Variants in TRUB2 observed in about 807,000 individuals in gnomAD.
TRUB2 encodes the protein TruB pseudouridine synthase family member 2, also known as pseudouridylate synthase TRUB2, mitochondrial.
In TRUB2, 31 loss-of-function variants were observed where a neutral mutation model predicts 31.9. That is an observed-to-expected ratio of 0.97 (90% CI 0.73 to 1.31). The LOEUF (loss-of-function observed/expected upper bound fraction) is 1.31, where lower values mean the gene tolerates loss of function less well. Among genes scored for constraint, TRUB2 ranks in the 50% most tolerant of loss-of-function variants. The pLI, the probability that TRUB2 is intolerant of heterozygous loss-of-function variation, is 0.00. For synonymous variants in TRUB2, 201 were observed against 182.6 expected (o/e 1.10, Z -0.81); for missense variants, 451 against 439.6 (o/e 1.03, Z -0.23).
rs922509089 is a variant in TRUB2, at chr9:128,305,600, G to C, written c.*3950C>G. 2 of 152,222 alleles carry C rather than the reference G, an allele frequency of 1.3e-5. No individual in the cohort carries two copies. The highest frequency in any genetic ancestry group is 2.9e-5 in the Non-Finnish European group (2 of 68,088). 9.4% of individuals were successfully genotyped at this position (152,222 alleles called of 1,614,324 possible). On this transcript the variant is annotated 3_prime_UTR_variant, in exon 8 of 8. Transcript: ENST00000372890. ...GACAGGGTTTCACCATATTGGCCAGGCTGGTCTCGAACTCCTGACCTCAAG... is the reference window on the plus strand; with the variant it reads ...GACAGGGTTTCACCATATTGGCCAGCCTGGTCTCGAACTCCTGACCTCAAG...
rs1354120561 is a variant in TRUB2, at chr9:128,308,216, T to G, written c.*1334A>C. The G allele has an allele frequency of 8.2e-6, 1 of 121,828 alleles. No homozygotes were observed. The allele number at this position is 121,828 out of a possible 1,614,324, so 7.5% of individuals were successfully genotyped here. On this transcript the variant is annotated 3_prime_UTR_variant, in exon 8 of 8. Coordinates refer to ENST00000372890, the MANE Select transcript of TRUB2 (RefSeq NM_015679.3). ...CTGCACTCCAACCTGGATGACGGAGTGAGACTCCGTCTCAGAAAAAAAAAA... is the reference window on the plus strand; with the variant it reads ...CTGCACTCCAACCTGGATGACGGAGGGAGACTCCGTCTCAGAAAAAAAAAA...
At position 128,321,676 on chromosome 9, in the gene TRUB2, C is replaced by A. The variant is rs1438316509; in HGVS notation, c.164G>T (p.Gly55Val). The change falls in exon 2 of 8, where the codon GGC becomes GTC. Residue 55 changes from glycine (G) to valine (V), a missense_variant. Transcript: ENST00000372890. ...CTTCTCTTCGCTGCCTTCCATGGGGCCCAGCAAGAAGCGAACACGCTGTTT... is the reference window on the plus strand; with the variant it reads ...CTTCTCTTCGCTGCCTTCCATGGGGACCAGCAAGAAGCGAACACGCTGTTT... ...APKQRVRFLL[G>V]PMEGSEEKEL... The A allele has an allele frequency of 6.2e-7, 1 of 1,613,834 alleles. No individual in the cohort carries two copies. The highest frequency in any genetic ancestry group is 1.1e-5 in the South Asian group (1 of 91,072).
intron 2 of TRUB2, among the ~76,000 whole-genome samples, chr9:128,320,726 A>C (rs1011058543): frequency 6.6e-6 from 1 of 152,040 alleles, no homozygotes; most frequent in Non-Finnish European, 1.5e-5. Flanking sequence ...AGCTTCCCAA[A>C]GTGCTGGGAT....
At chr9:128,311,993 G>A (rs896701534) in intron 5 of TRUB2, among the ~76,000 whole-genome samples, 1 of 150,684 alleles carries the variant, frequency 6.6e-6, no homozygotes, top group Non-Finnish European at 1.5e-5. Context: ...CCACCACCAC[G>A]TCCGGCTAAT....
intron 4 of TRUB2, among the ~76,000 whole-genome samples, chr9:128,315,314 C>G (rs545938505): frequency 1.9e-3 from 284 of 152,332 alleles, no homozygotes; most frequent in African/African-American, 6.5e-3. Flanking sequence ...ACAGATTCCA[C>G]TTTACAGGGA....
At chr9:128,315,918 C>A in intron 3 of TRUB2, 1 of 447,250 alleles carries the variant, frequency 2.2e-6, no homozygotes, top group South Asian at 2.4e-5. Context: ...AGATCCCTGG[C>A]CTAGTCACAC....
In TRUB2 at chr9:128,317,228, T is replaced by A; in HGVS notation, c.242-2A>T. ...GATGGGCGAATGCTGGTCCACATAC[T>A]GGAAAGAAACAAACAAGGTCCATTT... is the stretch of plus-strand genomic sequence containing the variant. On this transcript the variant is annotated splice_acceptor_variant, in intron 2 of 7. Coordinates refer to ENST00000372890, the MANE Select transcript of TRUB2 (RefSeq NM_015679.3). LOFTEE classifies it high-confidence loss of function. 6.3e-7 allele frequency: 1 copy of A among 1,591,246 alleles called. No homozygotes were observed. Among genetic ancestry groups the A allele is most frequent in the Non-Finnish European group, 8.6e-7 (1 of 1,167,078 alleles).
rs1199735475 is a variant in TRUB2, at chr9:128,307,109, T to C, written c.*2441A>G. On this transcript the variant is annotated 3_prime_UTR_variant, in exon 8 of 8. Transcript: ENST00000372890. ...CCGTCTCTACTAAAAATACAAAAGT[T>C]AGCTGGGCGTGGTGGTGAACGCCTA... The C allele has an allele frequency of 6.6e-6, 1 of 152,094 alleles. No individual in the cohort carries two copies. Among genetic ancestry groups the C allele is most frequent in the Non-Finnish European group, 1.5e-5 (1 of 68,032 alleles). 9.4% of individuals were successfully genotyped at this position (152,094 alleles called of 1,614,324 possible). A position where few individuals can be genotyped will look rare whatever the true frequency, so the allele number is the denominator to read the frequency against.
chr9:128,313,236 A>G lies in TRUB2; in HGVS notation c.460+572T>C, dbSNP rs1445571593. Among the ~76,000 whole-genome samples the G allele has an allele frequency of 4.3e-5, 6 of 140,282 alleles. No homozygotes were observed. In the East Asian group the frequency reaches 6.5e-4, roughly 15 times the overall value. The allele number at this position is 140,282 out of a possible 152,430, so 92.0% of individuals were successfully genotyped here. ...CGTTTCAAAAAAAAAAAAAGAAAAG[A>G]AAAGGAAAGGCTGGGCGCGGTGGCT... On this transcript the variant is annotated intron_variant, in intron 5 of 7. Transcript: ENST00000372890.
chr9:128,315,360 T>G (rs898676595), intron 4 of TRUB2, among the ~76,000 whole-genome samples: 1 of 152,152 alleles, frequency 6.6e-6, no homozygotes, highest in South Asian at 2.1e-4. Context: ...CCACGTACAG[T>G]GCTCAGCACA....
intron 6 of TRUB2, 125 bp downstream of exon 6, chr9:128,311,404 G>T: frequency 1.0e-6 from 1 of 982,074 alleles, no homozygotes; most frequent in Non-Finnish European, 1.6e-6. Context: ...AAAGAAACAG[G>T]TAGCTCCCGT....
At chr9:128,317,129 C>G (rs772058699) in intron 3 of TRUB2, 23 bp downstream of exon 3, 79 of 1,557,976 alleles carry the variant, frequency 5.1e-5, no homozygotes, top group Non-Finnish European at 6.5e-5. Context: ...TCACTGTACC[C>G]CCAGGCTTCT....
intron 3 of TRUB2, 72 bp from the exon 4 acceptor site, chr9:128,315,700 C>A (rs1190801511): frequency 3.1e-5 from 47 of 1,518,744 alleles, no homozygotes; most frequent in Non-Finnish European, 4.1e-5. Context: ...CACCCCTACC[C>A]CCACCATCAG....
intron 7 of TRUB2, 143 bp downstream of exon 7, chr9:128,310,744 G>T: frequency 1.7e-6 from 2 of 1,158,704 alleles, no homozygotes; most frequent in Non-Finnish European, 2.4e-6. Context: ...GTCGGCACCT[G>T]ATGCCTTGGC....
In TRUB2 at chr9:128,310,975, C is replaced by A; in HGVS notation, c.582G>T (p.Val194=). 1 of 1,614,238 alleles carries A rather than the reference C, an allele frequency of 6.2e-7. No individual in the cohort carries two copies. Among genetic ancestry groups the A allele is most frequent in the South Asian group, 1.1e-5 (1 of 91,084 alleles). ...TGTTCATGGGCCGGATCAGGCCTCT[C>A]ACGGCCATCTCATAGGCCTCCTGGG... ...LKTQEAYEMA[V]RGLIRPMNKS... is the part of the protein sequence containing the mutation. The change falls in exon 7 of 8, where the codon GTG becomes GTT. Residue 194 remains valine, a synonymous_variant. Coordinates refer to ENST00000372890, the MANE Select transcript of TRUB2 (RefSeq NM_015679.3).
chr9:128,311,690 G>A (rs1831972351), intron 5 of TRUB2, 89 bp from the exon 6 acceptor site: 5 of 1,388,224 alleles, frequency 3.6e-6, no homozygotes, highest in South Asian at 3.6e-5. Flanking sequence ...CCCCATCCCT[G>A]GAACATGGAG....
rs1034684835 is a variant in TRUB2 at position 128,307,327 on chromosome 9, G to A, written c.*2223C>T. ...ATCGTGGTGCACGCCTGTAGTCCCA[G>A]CTATTCTGGAGGGTGAGGTGGGAAG... On this transcript the variant is annotated 3_prime_UTR_variant, in exon 8 of 8. Coordinates refer to ENST00000372890, the MANE Select transcript of TRUB2 (RefSeq NM_015679.3). The A allele has an allele frequency of 9.9e-5, 15 of 152,034 alleles. No individual in the cohort carries two copies. The highest frequency in any genetic ancestry group is 3.6e-4 in the African/African-American group (15 of 41,380). The allele number at this position is 152,034 out of a possible 1,614,324, so 9.4% of individuals were successfully genotyped here.
At chr9:128,321,544 G>T (rs888945095) in intron 2 of TRUB2, 55 bp downstream of exon 2, 3 of 1,608,488 alleles carry the variant, frequency 1.9e-6, no homozygotes, top group Admixed American at 1.7e-5. Context: ...ACACTGACTC[G>T]GCTCAGGGAT....
chr9:128,309,981 G>C, intron 7 of TRUB2, 106 bp from the exon 8 acceptor site: 1 of 1,228,856 alleles, frequency 8.1e-7, no homozygotes, highest in Non-Finnish European at 1.1e-6. Flanking sequence ...AACAACCTTA[G>C]CAAGACCCCT....
Sources: gnomAD v4.1 joint callset for allele counts (sites outside exome capture counted in the v4.1 genomes callset) on GRCh38, gnomAD v4.1.1 for gene constraint, MANE v1.5 for transcripts, NCBI Gene and HGNC (gene_info 2026-07-23, HGNC 2026-07-21) for gene names.